Variants in DNAJC6 observed in about 807,000 individuals in gnomAD.
DNAJC6 encodes the protein auxilin.
A neutral mutation model predicts 110.0 loss-of-function variants in DNAJC6; 34 were observed. That is an observed-to-expected ratio of 0.31 (90% CI 0.24 to 0.41). The LOEUF is 0.41. Among genes scored for constraint, DNAJC6 ranks in the 10% least tolerant of loss-of-function variants. The pLI is 1.00. For missense variants in DNAJC6, 1,031 were observed against 1,207.8 expected, an observed-to-expected ratio of 0.85 and a Z score of 2.17; for synonymous variants, 406 against 437.2, an observed-to-expected ratio of 0.93 and a Z score of 0.89.
Position 65,379,444 on chromosome 1 carries a change from C to T in DNAJC6, c.586C>T (p.His196Tyr). 6.2e-7 allele frequency: 1 copy of T among 1,614,158 alleles called. No homozygotes were observed. Among genetic ancestry groups the T allele is most frequent in the South Asian group, 1.1e-5 (1 of 91,090 alleles). Residue 196 changes from histidine to tyrosine, a missense_variant, in exon 5 of 19, where the codon CAC becomes TAC. By Grantham distance (83) the His-to-Tyr change is moderately conservative. Transcript: ENST00000371069. ...GCCCATTAGGCAGGCTCCCAGTCTG[C>T]ACAACCTTTTTGCTGTGTGTCGGAA... is the stretch of plus-strand genomic sequence containing the variant. ...SWPIRQAPSL[H>Y]NLFAVCRNMY...
At chr1:65,328,360 G>C (rs975230435) in intron 1 of DNAJC6, among the ~76,000 whole-genome samples, 31 of 152,222 alleles carry the variant, frequency 2.0e-4, no homozygotes, top group African/African-American at 7.5e-4. Flanking sequence ...AATAATTATA[G>C]ATTCACATGC....
chr1:65,405,826 C>G, intron 15 of DNAJC6, 44 bp from the exon 16 acceptor site: 1 of 1,544,150 alleles, frequency 6.5e-7, no homozygotes, highest in Non-Finnish European at 8.7e-7. Context: ...GAGTTAGAGG[C>G]CACTCAAAAT....
chr1:65,398,989 G>T (rs1646005588), intron 14 of DNAJC6, 108 bp downstream of exon 14: 1 of 1,137,888 alleles, frequency 8.8e-7, no homozygotes, highest in Non-Finnish European at 1.3e-6. Context: ...TGTGTAATTT[G>T]TGTCACTTTT....
chr1:65,365,115 T>A (rs1283594529), intron 2 of DNAJC6, among the ~76,000 whole-genome samples: 1 of 152,196 alleles, frequency 6.6e-6, no homozygotes, highest in Admixed American at 6.5e-5. Flanking sequence ...AGCTTTTTTT[T>A]TATACCCTGA....
At chr1:65,294,608 A>G (rs1350088847) in intron 1 of DNAJC6, among the ~76,000 whole-genome samples, 1 of 152,246 alleles carries the variant, frequency 6.6e-6, no homozygotes, top group Non-Finnish European at 1.5e-5. Context: ...AGTATAAAAT[A>G]CACAGTAGAT....
upstream of DNAJC6, among the ~76,000 whole-genome samples, chr1:65,306,730 G>T (rs1264538961): frequency 6.6e-6 from 1 of 152,130 alleles, no homozygotes; most frequent in Non-Finnish European, 1.5e-5. Context: ...CAAGAGTTAG[G>T]CTGTAAATGT....
intron 1 of DNAJC6, among the ~76,000 whole-genome samples, chr1:65,341,901 T>C (rs540659457): frequency 9.2e-5 from 14 of 152,284 alleles, no homozygotes; most frequent in Non-Finnish European, 1.3e-4. Context: ...ACCGCGATCA[T>C]AGCTGGATTG....
At chr1:65,312,441 T>C (rs1001003462) in intron 1 of DNAJC6, among the ~76,000 whole-genome samples, 1 of 152,210 alleles carries the variant, frequency 6.6e-6, no homozygotes, top group Non-Finnish European at 1.5e-5. Flanking sequence ...TGTAAATATA[T>C]CCATTTGTTT....
chr1:65,338,401 T>C (rs1645358068), intron 1 of DNAJC6, among the ~76,000 whole-genome samples: 1 of 152,216 alleles, frequency 6.6e-6, no homozygotes, highest in Non-Finnish European at 1.5e-5. Context: ...TATTTTGCTT[T>C]AAGACAGTTA....
At chr1:65,384,475 A>G (rs1645851723) in intron 6 of DNAJC6, 149 bp downstream of exon 6, 1 of 764,702 alleles carries the variant, frequency 1.3e-6, no homozygotes, top group Non-Finnish European at 1.8e-6. Context: ...GAACTACTTG[A>G]GACTGGGTAA....
At chr1:65,316,318 A>G (rs1267019211) in intron 1 of DNAJC6, among the ~76,000 whole-genome samples, 1 of 152,156 alleles carries the variant, frequency 6.6e-6, no homozygotes, top group African/African-American at 2.4e-5. Flanking sequence ...AGACCCCTGG[A>G]CACCCACTTT....
chr1:65,327,829 A>G (rs958863073), intron 1 of DNAJC6, among the ~76,000 whole-genome samples: 3 of 152,204 alleles, frequency 2.0e-5, no homozygotes, highest in African/African-American at 7.2e-5. Context: ...ATGTAGTATT[A>G]CCAAATAGAA....
intron 1 of DNAJC6, among the ~76,000 whole-genome samples, chr1:65,303,749 T>G (rs1341941042): frequency 6.6e-6 from 1 of 151,946 alleles, no homozygotes; most frequent in Non-Finnish European, 1.5e-5. Context: ...TGTTTGTTTG[T>G]TTTTTAGTAG....
intron 13 of DNAJC6, among the ~76,000 whole-genome samples, chr1:65,395,302 T>C (rs1645966234): frequency 6.6e-6 from 1 of 152,182 alleles, no homozygotes; most frequent in South Asian, 2.1e-4. Context: ...GAATCATAAA[T>C]GACCCTTGAT....
At chr1:65,385,548 T>G (rs531160916) in intron 6 of DNAJC6, among the ~76,000 whole-genome samples, 164 bp from the exon 7 acceptor site, 88 of 152,376 alleles carry the variant, frequency 5.8e-4, no homozygotes, top group African/African-American at 2.0e-3. Context: ...AAATGTTTCC[T>G]AAATTATTGA....
intron 1 of DNAJC6, among the ~76,000 whole-genome samples, chr1:65,346,797 G>A (rs1455927722): frequency 6.6e-6 from 1 of 151,906 alleles, no homozygotes; most frequent in South Asian, 2.1e-4. Context: ...ACATTATTTT[G>A]TACTAAATAA....
At chr1:65,401,700 G>C in intron 14 of DNAJC6, 61 bp from the exon 15 acceptor site, 2 of 1,576,134 alleles carry the variant, frequency 1.3e-6, no homozygotes, top group Non-Finnish European at 1.7e-6. Flanking sequence ...CTGGAATTCT[G>C]AATTTCACAA....
chr1:65,325,178 T>A (rs982908406), intron 1 of DNAJC6, among the ~76,000 whole-genome samples: 2 of 152,198 alleles, frequency 1.3e-5, no homozygotes, highest in Non-Finnish European at 2.9e-5. Context: ...AGTTTGGGTC[T>A]CAGTTTTCAT....
At chr1:65,297,111 C>G (rs1644936266) in intron 1 of DNAJC6, among the ~76,000 whole-genome samples, 1 of 152,118 alleles carries the variant, frequency 6.6e-6, no homozygotes. Flanking sequence ...GGATGGTTTC[C>G]TGGGACATGC....
Sources: allele counts gnomAD v4.1 joint callset (sites outside exome capture counted in the v4.1 genomes callset), GRCh38; gene constraint gnomAD v4.1.1; transcripts MANE v1.5; gene names NCBI Gene and HGNC (gene_info 2026-07-23, HGNC 2026-07-21).